Variants in MRPS15 observed in about 807,000 individuals in gnomAD.
MRPS15 encodes small ribosomal subunit protein uS15m.
A neutral mutation model predicts 30.7 loss-of-function variants in MRPS15; 25 were observed. The observed-to-expected ratio is 0.81, with a 90% CI of 0.59 to 1.14. MRPS15 has a LOEUF of 1.14. Ranked by LOEUF, MRPS15 falls within the 50% of genes most tolerant of loss-of-function variation. The pLI is 0.00. For synonymous variants in MRPS15, 124 were observed against 120.1 expected (o/e 1.03, Z -0.21); for missense variants, 313 against 321.7 (o/e 0.97, Z 0.21).
chr1:36,456,271 C>G lies in MRPS15; in HGVS notation c.552G>C (p.Gly184=). The change falls in exon 7 of 8, where the codon GGG becomes GGC. Residue 184 remains glycine (G), a synonymous_variant. Coordinates refer to ENST00000373116, the MANE Select transcript of MRPS15 (RefSeq NM_031280.4). ...NYDVFEKICW[G]LGIEYTFPPL... ...GGGGGAAGGTGTACTCAATTCCCAG[C>G]CCCCAGCATATCTTCTCAAAGACAT... 1 of 1,614,140 alleles carries G rather than the reference C, an allele frequency of 6.2e-7. No individual in the cohort carries two copies. The highest frequency in any genetic ancestry group is 8.5e-7 in the Non-Finnish European group (1 of 1,180,024).
chr1:36,458,018 C>A lies in MRPS15; in HGVS notation c.386-37G>T. ...AACCACAGAGGATGAGAGTTGGGCA[C>A]AGAGGAAGGAAGGGCCCAGGCCTGG... On this transcript the variant is annotated intron_variant, in intron 5 of 7. Coordinates refer to ENST00000373116, the MANE Select transcript of MRPS15 (RefSeq NM_031280.4). This position sits in a 1 kb window ranked among gnomAD's most constrained non-coding sequence, Gnocchi z 4.5. 6.2e-7 allele frequency: 1 copy of A among 1,601,416 alleles called. No homozygotes were observed. Among genetic ancestry groups the A allele is most frequent in the Non-Finnish European group, 8.6e-7 (1 of 1,168,392 alleles).
intron 2 of MRPS15, among the ~76,000 whole-genome samples, chr1:36,462,679 G>A (rs1282546634): frequency 2.0e-5 from 3 of 152,330 alleles, no homozygotes; most frequent in Admixed American, 2.0e-4. Flanking sequence ...CCTTGGAGAT[G>A]AGGAAGAGGC....
At chr1:36,463,237 G>A (rs1046414631) in intron 2 of MRPS15, among the ~76,000 whole-genome samples, 8 of 152,230 alleles carry the variant, frequency 5.3e-5, no homozygotes, top group Non-Finnish European at 1.2e-4. Context: ...AAAGTGTTGG[G>A]ATTACAGGCG....
Position 36,464,271 on chromosome 1 carries a change from A to T in MRPS15, c.5T>A (p.Leu2Gln), listed in dbSNP as rs202077039. The change falls in exon 1 of 8, where the codon CTG (leucine) becomes CAG (glutamine). Residue 2 changes from leucine to glutamine, a missense_variant. Leu to Gln is a moderately radical substitution (Grantham distance 113, BLOSUM62 -2). Transcript: ENST00000373116. ...ACTCAGCGTCCTCCACGCGACCCTC[A>T]GCATGGTGACCTCTAACCCCCGCGG... The part of the protein sequence containing the change: M[L>Q]RVAWRTLSLI... 3.9e-5 allele frequency: 63 copies of T among 1,613,338 alleles called. No individual in the cohort carries two copies. The highest frequency in any genetic ancestry group is 5.2e-5 in the Non-Finnish European group (61 of 1,179,688).
intron 1 of MRPS15, 70 bp downstream of exon 1, chr1:36,464,076 G>A (rs1650157696): frequency 6.3e-7 from 1 of 1,581,126 alleles, no homozygotes; most frequent in Admixed American, 1.8e-5. Context: ...CTACTCCTGT[G>A]CTTCCTTATT....
At chr1:36,463,967 C>A in intron 1 of MRPS15, 117 bp from the exon 2 acceptor site, 2 of 1,507,234 alleles carry the variant, frequency 1.3e-6, no homozygotes, top group Non-Finnish European at 1.8e-6. Context: ...AACCTAACCG[C>A]TGCCCCATTT....
At chr1:36,459,377 A>C (rs1650052946) in intron 5 of MRPS15, 1 of 137,428 alleles carries the variant, frequency 7.3e-6, no homozygotes, top group Admixed American at 7.8e-5. Context: ...TTCCAGCCTG[A>C]GTGACAGAGT....
intron 6 of MRPS15, 89 bp downstream of exon 6, chr1:36,457,834 C>A (rs1327868103): frequency 1.5e-6 from 2 of 1,292,586 alleles, no homozygotes; most frequent in African/African-American, 1.5e-5. Flanking sequence ...GGCTTCTAAG[C>A]CTCCTTCTCT....
chr1:36,456,628 T>C, intron 6 of MRPS15: 1 of 402,522 alleles, frequency 2.5e-6, no homozygotes, highest in Non-Finnish European at 4.5e-6. Context: ...TGAATCTCTA[T>C]CTATTGGTCT....
Position 36,456,233 on chromosome 1 carries a change from C to T in MRPS15, c.590G>A (p.Arg197Gln), listed in dbSNP as rs777744129. The change falls in exon 7 of 8, where the codon CGA (arginine) becomes CAA (glutamine). Residue 197 changes from arginine (R) to glutamine (Q), a missense_variant. Physicochemically the swap from Arg to Gln is conservative, Grantham distance 43. Transcript: ENST00000373116. Reference protein sequence around the residue: ...IEYTFPPLYYRRAHRRFVTKK... With the variant: ...IEYTFPPLYYQRAHRRFVTKK... ...GGTCACGAATCGGCGGTGGGCTCTT[C>T]GGTAATACAGAGGGGGGAAGGTGTA... is the stretch of plus-strand genomic sequence containing the variant. 8 of 1,613,492 alleles carry T rather than the reference C, an allele frequency of 5.0e-6. No homozygotes were observed. Among genetic ancestry groups the T allele is most frequent in the East Asian group, 2.2e-5 (1 of 44,888 alleles).
At chr1:36,463,887 A>AT in intron 1 of MRPS15, 37 bp from the exon 2 acceptor site, 1 of 1,598,590 alleles carries the variant, frequency 6.3e-7, no homozygotes, top group Non-Finnish European at 8.5e-7. Flanking sequence ...CCATCTCCTT[A>AT]AATAGCCCAC....
At chr1:36,461,404 T>A in intron 3 of MRPS15, 92 bp from the exon 4 acceptor site, 1 of 1,229,742 alleles carries the variant, frequency 8.1e-7, no homozygotes, top group Non-Finnish European at 1.2e-6. Context: ...CAAAGATGAT[T>A]GAAAAATTCC....
At chr1:36,464,059 A>ATCTTCCCTACTCCTGTGCTTCCT in intron 1 of MRPS15, 87 bp downstream of exon 1, 1 of 1,544,548 alleles carries the variant, frequency 6.5e-7, no homozygotes, top group Non-Finnish European at 8.8e-7. Context: ...ACCGCTGTAT[A>ATCTTCCCTACTCCTGTGCTTCCT]TCTCCCCTAC....
rs1358384683 is a variant in MRPS15 at position 36,464,293 on chromosome 1, G to A, written c.-18C>T. The A allele has an allele frequency of 1.3e-6, 2 of 1,595,622 alleles. No homozygotes were observed. Among genetic ancestry groups the A allele is most frequent in the East Asian group, 2.2e-5 (1 of 44,536 alleles). ...CTCAGCATGGTGACCTCTAACCCCC[G>A]CGGGGCCCGCGCCGCGGCCGCCGTT... On this transcript the variant is annotated 5_prime_UTR_variant, in exon 1 of 8. Coordinates refer to ENST00000373116, the MANE Select transcript of MRPS15 (RefSeq NM_031280.4).
chr1:36,461,900 G>A (rs950762959), intron 3 of MRPS15, among the ~76,000 whole-genome samples, 188 bp downstream of exon 3: 7 of 152,000 alleles, frequency 4.6e-5, no homozygotes, highest in Non-Finnish European at 7.4e-5. Context: ...CCAAGTAGCC[G>A]AGCTCCATGA....
chr1:36,462,725 C>G (rs1401637484), intron 2 of MRPS15, among the ~76,000 whole-genome samples: 1 of 152,212 alleles, frequency 6.6e-6, no homozygotes, highest in Admixed American at 6.5e-5. Context: ...CAGTCAGACC[C>G]TGCTATGCAA....
chr1:36,457,927 C>T lies in MRPS15; in HGVS notation c.440G>A (p.Arg147Gln), dbSNP rs753276258. 12 of 1,614,114 alleles carry T rather than the reference C, an allele frequency of 7.4e-6. No individual in the cohort carries two copies. The highest frequency in any genetic ancestry group is 1.7e-5 in the Admixed American group (1 of 60,026). ...TGAATGACGTCCAGAGTTTACCTTT[C>T]GATGTTTCTCCAAGTGTTCTTCATA... Reference protein sequence around the residue: ...RSYEEHLEKHRKDKAHKRYLL... With the variant: ...RSYEEHLEKHQKDKAHKRYLL... The change falls in exon 6 of 8, where the codon CGA (arginine) becomes CAA (glutamine). Residue 147 changes from arginine to glutamine, a missense_variant. Transcript: ENST00000373116.
chr1:36,456,042 G>A (rs1006470537), intron 7 of MRPS15, 117 bp from the exon 8 acceptor site: 25 of 1,494,500 alleles, frequency 1.7e-5, no homozygotes, highest in Non-Finnish European at 2.2e-5. Context: ...TCTCCATGGG[G>A]TTGGTGGCCT....
intron 6 of MRPS15, 61 bp downstream of exon 6, chr1:36,457,862 C>T (rs1318902601): frequency 1.3e-6 from 2 of 1,531,962 alleles, no homozygotes; most frequent in African/African-American, 2.7e-5. Context: ...GAGCCCTTCC[C>T]CTCCGGACCC....
Sources: gnomAD v4.1 joint callset for allele counts (sites outside exome capture counted in the v4.1 genomes callset) on GRCh38, gnomAD v4.1.1 for gene constraint, Gnocchi (gnomAD v3.1) non-coding constraint, MANE v1.5 for transcripts, NCBI Gene and HGNC (gene_info 2026-07-23, HGNC 2026-07-21) for gene names.